Variants in DLGAP1 observed in about 807,000 individuals in gnomAD.
The protein encoded by DLGAP1 is DLG associated protein 1.
Under a neutral mutation model 90.8 loss-of-function variants are expected in DLGAP1, and 11 were observed. The observed-to-expected ratio is 0.12, with a 90% confidence interval of 0.08 to 0.20. The LOEUF (loss-of-function observed/expected upper bound fraction) is 0.20. DLGAP1 is among the 10% of genes least tolerant of loss of function. DLGAP1 has a pLI of 1.00. For missense variants in DLGAP1, 1,050 were observed against 1,333.8 expected (o/e 0.79, Z 3.31); for synonymous variants, 558 against 540.7 (o/e 1.03, Z -0.44).
rs1223044793 is a variant in DLGAP1 at position 3,727,979 on chromosome 18, T to A, written c.1591+1156A>T. ...GAACTCCTCTTGTTTAACCCATATA[T>A]TTATTTTAAATAAAATTATCACCTC... On this transcript the variant is annotated intron_variant, in intron 7 of 12. Transcript: ENST00000315677. This position sits in a 1 kb window ranked among gnomAD's most constrained non-coding sequence, Gnocchi z 4.7. 1 of 152,096 alleles carries A rather than the reference T, an allele frequency of 6.6e-6. No individual in the cohort carries two copies. 9.4% of individuals were successfully genotyped at this position (152,096 alleles called of 1,614,324 possible). A position where few individuals can be genotyped will look rare whatever the true frequency, so the allele number is the denominator to read the frequency against.
At position 4,438,431 on chromosome 18, in the gene DLGAP1, CAAA is replaced by C. The variant is rs11389361; in HGVS notation, c.-267+16572_-267+16574del. Among the ~76,000 whole-genome samples the C allele has an allele frequency of 1.9e-4, 10 of 52,102 alleles. 1 individual carries two copies. The East Asian group carries it at 6.6e-3, about 34-fold the overall frequency. 34.2% of individuals were successfully genotyped at this position (52,102 alleles called of 152,430 possible). A position where few individuals can be genotyped will look rare whatever the true frequency, so the allele number is the denominator to read the frequency against. On this transcript the variant is annotated intron_variant, in intron 1 of 12. Coordinates refer to ENST00000315677, the MANE Select transcript of DLGAP1 (RefSeq NM_004746.4). ...TGGGTGACAGAGCGAGACTCCATCT[CAAA>C]AAAAAAAAAAAAAAAAAAAAGAAAT...
At chr18:4,406,970 G>A (rs941759544) in intron 1 of DLGAP1, among the ~76,000 whole-genome samples, 1 of 152,168 alleles carries the variant, frequency 6.6e-6, no homozygotes, top group African/African-American at 2.4e-5. Flanking sequence ...CTCAAAAGAA[G>A]TTGATGATTT....
At chr18:4,044,604 G>T (rs1164427280) in intron 2 of DLGAP1, among the ~76,000 whole-genome samples, 1 of 152,060 alleles carries the variant, frequency 6.6e-6, no homozygotes, top group African/African-American at 2.4e-5. Flanking sequence ...AGCCAGGCAC[G>T]GTGGTGGGCG....
chr18:3,641,235 G>C (rs1402914638), intron 7 of DLGAP1, among the ~76,000 whole-genome samples: 1 of 151,534 alleles, frequency 6.6e-6, no homozygotes, highest in Non-Finnish European at 1.5e-5. Context: ...AGGATTCTCA[G>C]GGCAGTCATT....
intron 3 of DLGAP1, among the ~76,000 whole-genome samples, chr18:3,901,426 C>A (rs74371503): frequency 6.6e-6 from 1 of 152,008 alleles, no homozygotes; most frequent in Non-Finnish European, 1.5e-5. Flanking sequence ...CTGCTTTACA[C>A]CCCGTCCACT....
intron 1 of DLGAP1, among the ~76,000 whole-genome samples, chr18:4,162,223 G>T (rs1258162871): frequency 6.6e-6 from 1 of 152,180 alleles, no homozygotes; most frequent in Non-Finnish European, 1.5e-5. Context: ...ATAGGCAGAA[G>T]AGCTTATTAG....
At position 4,330,626 on chromosome 18, in the gene DLGAP1, G is replaced by A. The variant is rs991838969; in HGVS notation, c.-267+124380C>T. ...TTTGTGATTTCTTCTTTGAAATGTG[G>A]GTTATATACAAATGTGTTCTTTTGT... is the stretch of plus-strand genomic sequence containing the variant. On this transcript the variant is annotated intron_variant, in intron 1 of 12. Coordinates refer to ENST00000315677, the MANE Select transcript of DLGAP1 (RefSeq NM_004746.4). 8.6e-5 allele frequency among the ~76,000 whole-genome samples: 13 copies of A among 151,732 alleles called. No individual in the cohort carries two copies. The South Asian group carries it at 2.3e-3, about 27-fold the overall frequency.
intron 6 of DLGAP1, among the ~76,000 whole-genome samples, chr18:3,730,351 A>G (rs1598489299): frequency 6.6e-6 from 1 of 152,162 alleles, no homozygotes; most frequent in African/African-American, 2.4e-5. Context: ...TAATTGGAAA[A>G]AAATCTTTGA....
intron 4 of DLGAP1, among the ~76,000 whole-genome samples, chr18:3,847,019 C>T (rs1208594256): frequency 6.6e-6 from 1 of 152,116 alleles, no homozygotes; most frequent in Non-Finnish European, 1.5e-5. Flanking sequence ...CCTAAGATAA[C>T]ATTTGCTTGC....
At chr18:3,885,259 T>A (rs1173448261) in intron 3 of DLGAP1, 1 of 152,230 alleles carries the variant, frequency 6.6e-6, no homozygotes, top group East Asian at 1.9e-4. Context: ...ATAAGTTGTA[T>A]CCATGGGTAC....
chr18:3,657,241 C>T (rs1599754830), intron 7 of DLGAP1, among the ~76,000 whole-genome samples: 1 of 152,338 alleles, frequency 6.6e-6, no homozygotes, highest in East Asian at 1.9e-4. Flanking sequence ...GGTTCTCTTT[C>T]AAACTGGAGG....
chr18:4,102,106 T>C (rs1294884602), intron 2 of DLGAP1, among the ~76,000 whole-genome samples: 1 of 152,132 alleles, frequency 6.6e-6, no homozygotes, highest in Non-Finnish European at 1.5e-5. Flanking sequence ...TATAAGAAAT[T>C]TTGAAAATAA....
intron 7 of DLGAP1, among the ~76,000 whole-genome samples, chr18:3,618,955 G>T (rs968855926): frequency 4.0e-5 from 6 of 148,982 alleles, no homozygotes; most frequent in Non-Finnish European, 7.4e-5. Context: ...AAAAAAAAGA[G>T]ATGATTAAGT....
At chr18:4,294,234 A>T (rs2079920235) in intron 1 of DLGAP1, 2 of 152,172 alleles carry the variant, frequency 1.3e-5, no homozygotes, top group Admixed American at 1.3e-4. Flanking sequence ...TCCAGAGCTG[A>T]CCACACTTGT....
intron 3 of DLGAP1, among the ~76,000 whole-genome samples, chr18:3,941,715 A>G (rs143647213): frequency 6.6e-6 from 1 of 152,252 alleles, no homozygotes; most frequent in East Asian, 1.9e-4. Flanking sequence ...TATTGTAATT[A>G]TAAGTCCTTA....
At chr18:4,327,274 T>C (rs2080842779) in intron 1 of DLGAP1, among the ~76,000 whole-genome samples, 1 of 152,032 alleles carries the variant, frequency 6.6e-6, no homozygotes, top group Non-Finnish European at 1.5e-5. Context: ...ATTAGCTTAA[T>C]TTAATCATTA....
chr18:4,443,531 A>G (rs1439974902), intron 1 of DLGAP1, among the ~76,000 whole-genome samples: 1 of 152,236 alleles, frequency 6.6e-6, no homozygotes, highest in East Asian at 1.9e-4. Flanking sequence ...TAGTTTACAG[A>G]AAATGGGTCA....
chr18:3,799,667 A>C (rs1422047543), intron 5 of DLGAP1, among the ~76,000 whole-genome samples: 1 of 152,146 alleles, frequency 6.6e-6, no homozygotes, highest in African/African-American at 2.4e-5. Context: ...CTTAAAGTGT[A>C]GGTGGTTGCT....
chr18:4,328,852 T>C (rs2143699385), intron 1 of DLGAP1, among the ~76,000 whole-genome samples: 1 of 152,094 alleles, frequency 6.6e-6, no homozygotes, highest in Non-Finnish European at 1.5e-5. Flanking sequence ...TCTTGTGAAG[T>C]CTCTCTTCAA....
Sources: gnomAD v4.1 joint callset for allele counts (sites outside exome capture counted in the v4.1 genomes callset) on GRCh38, gnomAD v4.1.1 for gene constraint, Gnocchi (gnomAD v3.1) non-coding constraint, MANE v1.5 for transcripts, NCBI Gene and HGNC (gene_info 2026-07-23, HGNC 2026-07-21) for gene names.